The following LCLAT1 variants were observed in gnomAD, a reference collection of about 807,000 sequenced individuals.
LCLAT1 encodes the protein 1-AGP acyltransferase 8.
Under a neutral mutation model 30.7 loss-of-function variants are expected in LCLAT1, and 11 were observed. The observed-to-expected ratio is 0.36, with a 90% CI of 0.23 to 0.59. The LOEUF is 0.59. LCLAT1 is among the 20% of genes least tolerant of loss of function. The pLI is 0.77. For missense variants in LCLAT1, 402 were observed against 458.6 expected, an observed-to-expected ratio of 0.88 and a Z score of 1.13; for synonymous variants, 155 against 151.3, an observed-to-expected ratio of 1.02 and a Z score of -0.18.
intron 1 of LCLAT1, among the ~76,000 whole-genome samples, chr2:30,453,502 G>C (rs564973974): frequency 6.6e-6 from 1 of 152,294 alleles, no homozygotes; most frequent in South Asian, 2.1e-4. Flanking sequence ...AAATTTACCT[G>C]TGTAGAGTTA....
intron 1 of LCLAT1, among the ~76,000 whole-genome samples, chr2:30,516,141 G>A (rs144919836): frequency 3.7e-4 from 57 of 152,302 alleles, no homozygotes; most frequent in African/African-American, 1.2e-3. Context: ...GTCATCTATC[G>A]CCTGAGAGCA....
intron 1 of LCLAT1, among the ~76,000 whole-genome samples, chr2:30,455,190 A>G (rs1372770060): frequency 6.6e-6 from 1 of 152,114 alleles, no homozygotes; most frequent in Non-Finnish European, 1.5e-5. Context: ...TAGGAGTGTT[A>G]CGTTCTCATT....
chr2:30,492,586 A>G (rs1251799800), intron 1 of LCLAT1, among the ~76,000 whole-genome samples: 1 of 152,156 alleles, frequency 6.6e-6, no homozygotes, highest in East Asian at 1.9e-4. Context: ...AAAAAAGAAA[A>G]AAAAAAAAAA....
intron 3 of LCLAT1, among the ~76,000 whole-genome samples, chr2:30,561,734 A>G (rs1665233915): frequency 6.6e-6 from 1 of 152,158 alleles, no homozygotes; most frequent in Non-Finnish European, 1.5e-5. Context: ...TATATACTTG[A>G]CGACAGTCTT....
At chr2:30,565,320 G>A (rs1402746414) in intron 4 of LCLAT1, among the ~76,000 whole-genome samples, 1 of 152,096 alleles carries the variant, frequency 6.6e-6, no homozygotes, top group Non-Finnish European at 1.5e-5. Context: ...GTTGGGGAGA[G>A]GAGGGCACTT....
At chr2:30,626,950 C>A (rs887140127) in intron 5 of LCLAT1, among the ~76,000 whole-genome samples, 15 of 152,046 alleles carry the variant, frequency 9.9e-5, no homozygotes, top group African/African-American at 3.6e-4. Flanking sequence ...TGAGAATGTG[C>A]ATCATAAAGT....
At chr2:30,564,574 G>C (rs1321270781) in intron 4 of LCLAT1, among the ~76,000 whole-genome samples, 1 of 152,038 alleles carries the variant, frequency 6.6e-6, no homozygotes, top group African/African-American at 2.4e-5. Flanking sequence ...TTTGAAGCTA[G>C]ACTTTGCCAA....
rs1486366810 is a variant in LCLAT1 at position 30,628,104 on chromosome 2, G to C, written c.629-12013G>C. ...CAACAATAGAGTTGTCCCTATTCTA[G>C]CAGTGATTACCTAAAAACAGAAATA... On this transcript the variant is annotated intron_variant, in intron 5 of 5. Transcript: ENST00000379509. Among the ~76,000 whole-genome samples, 3 of 152,066 alleles carry C rather than the reference G, an allele frequency of 2.0e-5. No individual in the cohort carries two copies. In the East Asian group the frequency reaches 5.8e-4, roughly 29 times the overall value.
At chr2:30,515,417 C>T (rs1278579095) in intron 1 of LCLAT1, among the ~76,000 whole-genome samples, 3 of 152,194 alleles carry the variant, frequency 2.0e-5, no homozygotes, top group Non-Finnish European at 4.4e-5. Flanking sequence ...GAAAATGTTT[C>T]CTTCCTGAGC....
intron 5 of LCLAT1, among the ~76,000 whole-genome samples, 181 bp downstream of exon 5, chr2:30,568,357 TATAGA>T (rs1270966070): frequency 6.6e-6 from 1 of 152,092 alleles, no homozygotes; most frequent in Non-Finnish European, 1.5e-5. Flanking sequence ...TTGTTAGAGA[TATAGA>T]AGAGATCTCT....
At chr2:30,516,848 G>C (rs1320199809) in intron 1 of LCLAT1, among the ~76,000 whole-genome samples, 1 of 152,214 alleles carries the variant, frequency 6.6e-6, no homozygotes, top group East Asian at 1.9e-4. Context: ...TAGCATGGCT[G>C]CTGGACTTAA....
intron 5 of LCLAT1, among the ~76,000 whole-genome samples, chr2:30,616,338 C>T (rs1398754224): frequency 6.6e-6 from 1 of 152,038 alleles, no homozygotes; most frequent in Non-Finnish European, 1.5e-5. Context: ...GATTAGATGC[C>T]ATACTGTCAT....
At chr2:30,514,931 GATAT>G (rs1289414614) in intron 1 of LCLAT1, among the ~76,000 whole-genome samples, 1 of 152,120 alleles carries the variant, frequency 6.6e-6, no homozygotes, top group Admixed American at 6.5e-5. Flanking sequence ...ATATGCCTTA[GATAT>G]TTTTCCTCCA....
At chr2:30,597,106 A>G in intron 5 of LCLAT1, among the ~76,000 whole-genome samples, 1 of 147,690 alleles carries the variant, frequency 6.8e-6, no homozygotes, top group Non-Finnish European at 1.5e-5. Flanking sequence ...TTTTTGCTTA[A>G]GATTGTCTTG....
intron 1 of LCLAT1, among the ~76,000 whole-genome samples, chr2:30,456,507 A>C (rs1681844368): frequency 6.6e-6 from 1 of 150,448 alleles, no homozygotes; most frequent in Non-Finnish European, 1.5e-5. Context: ...ACAACATTGC[A>C]GCCTTGTAAG....
intron 3 of LCLAT1, among the ~76,000 whole-genome samples, chr2:30,559,185 G>A (rs150765928): frequency 6.6e-6 from 1 of 152,176 alleles, no homozygotes; most frequent in Non-Finnish European, 1.5e-5. Flanking sequence ...TTTGGGAGGG[G>A]AAGTATTGAC....
At chr2:30,457,135 G>A (rs1231007279) in intron 1 of LCLAT1, among the ~76,000 whole-genome samples, 1 of 152,138 alleles carries the variant, frequency 6.6e-6, no homozygotes, top group Non-Finnish European at 1.5e-5. Context: ...CTTTATTTCT[G>A]CATTGAGATA....
chr2:30,595,248 A>T (rs1666877744), intron 5 of LCLAT1, among the ~76,000 whole-genome samples: 1 of 151,746 alleles, frequency 6.6e-6, no homozygotes, highest in Non-Finnish European at 1.5e-5. Flanking sequence ...CCTGACCACT[A>T]TCCTTTGTGG....
At chr2:30,591,762 C>T (rs1458586518) in intron 5 of LCLAT1, among the ~76,000 whole-genome samples, 1 of 152,148 alleles carries the variant, frequency 6.6e-6, no homozygotes, top group Non-Finnish European at 1.5e-5. Context: ...ACACCCTGCA[C>T]ACCATTTCAG....
Sources: gnomAD v4.1 joint callset for allele counts (sites outside exome capture counted in the v4.1 genomes callset) on GRCh38, gnomAD v4.1.1 for gene constraint, MANE v1.5 for transcripts, NCBI Gene and HGNC (gene_info 2026-07-23, HGNC 2026-07-21) for gene names.